DST: variants seen among roughly 807,000 people sequenced by gnomAD.
DST encodes bullous pemphigoid antigen.
DST carries 253 observed loss-of-function variants against 875.2 expected under a neutral mutation model. The observed-to-expected ratio is 0.29, with a 90% CI of 0.26 to 0.32. The LOEUF is 0.32. DST is among the 10% of genes least tolerant of loss of function. The pLI is 1.00. For synonymous variants in DST, 3,124 were observed against 3,197.1 expected (o/e 0.98, Z 0.77); for missense variants, 8,287 against 9,111.6 (o/e 0.91, Z 3.68).
At chr6:56,656,426 G>T (rs889105813) in intron 10 of DST, among the ~76,000 whole-genome samples, 12 of 152,156 alleles carry the variant, frequency 7.9e-5, no homozygotes, top group African/African-American at 2.7e-4. Context: ...ACCTTATAAA[G>T]TAATAACAAT....
At chr6:56,692,667 A>G (rs1204696117) in intron 9 of DST, 3 of 1,289,798 alleles carry the variant, frequency 2.3e-6, no homozygotes, top group Non-Finnish European at 3.0e-6. Flanking sequence ...TGTTGACATC[A>G]TCTAAATGTT....
Position 56,607,203 on chromosome 6 carries a change from G to C in DST, c.7425C>G (p.Thr2475=). 1.9e-6 allele frequency: 3 copies of C among 1,613,346 alleles called. No homozygotes were observed. Among genetic ancestry groups the C allele is most frequent in the Non-Finnish European group, 2.5e-6 (3 of 1,179,522 alleles). ...EAPALSFSDK[T]MLSGQRIGEK... The stretch of plus-strand genomic sequence containing the variant: ...CTCCTATTCTTTGACCTGACAACAT[G>C]GTTTTGTCACTGAATGATAAGGCTG... Residue 2475 remains threonine, a synonymous_variant, in exon 40 of 104, where the codon ACC becomes ACG. Transcript: ENST00000680361.
rs780051172 is a variant in DST at position 56,617,048 on chromosome 6, G to A, written c.4930-2564C>T. ...TTTTGTAGATTCTAGGTAAAGCCCT[G>A]CAATTGAGGTGGCTTTCGTCAGAAA... On this transcript the variant is annotated intron_variant, in intron 36 of 103. Transcript: ENST00000680361. The A allele has an allele frequency of 4.3e-6, 7 of 1,613,906 alleles. No homozygotes were observed. In the African/African-American group the frequency reaches 6.7e-5, roughly 15 times the overall value.
intron 55 of DST, among the ~76,000 whole-genome samples, chr6:56,564,357 T>C (rs1450710366): frequency 6.6e-6 from 1 of 152,240 alleles, no homozygotes; most frequent in Non-Finnish European, 1.5e-5. Context: ...GGGAGTTCAC[T>C]CATGGTTTGG....
chr6:56,644,282 G>A (rs1430732605), intron 15 of DST, among the ~76,000 whole-genome samples: 1 of 152,076 alleles, frequency 6.6e-6, no homozygotes, highest in Non-Finnish European at 1.5e-5. Context: ...GCTTGTTTTG[G>A]TTTTAATAAT....
In DST at chr6:56,779,808, C is replaced by T. The variant is rs529517802; in HGVS notation, c.626-44519G>A. Among the ~76,000 whole-genome samples the T allele has an allele frequency of 2.3e-3, 339 of 150,250 alleles. 2 individuals carry two copies. Among genetic ancestry groups the T allele is most frequent in the Middle Eastern group, 6.9e-3 (2 of 290 alleles). ...GTTACATATGTATACATGTGCCATG[C>T]TGGTGTGCTGCACCCATTAACTCGT... On this transcript the variant is annotated intron_variant, in intron 4 of 103. Transcript: ENST00000680361.
intron 3 of DST, among the ~76,000 whole-genome samples, chr6:56,877,463 G>A (rs1780074636): frequency 6.6e-6 from 1 of 152,210 alleles, no homozygotes; most frequent in South Asian, 2.1e-4. Flanking sequence ...GGCAGAGGCA[G>A]GAGAATCACT....
intron 3 of DST, among the ~76,000 whole-genome samples, chr6:56,878,363 A>G (rs1244246449): frequency 6.6e-6 from 1 of 152,182 alleles, no homozygotes; most frequent in African/African-American, 2.4e-5. Context: ...ACTCTCACCA[A>G]AAGACTCTAA....
At position 56,900,415 on chromosome 6, in the gene DST, A is replaced by G. The variant is rs1793540408; in HGVS notation, c.417+6T>C. 1 of 1,366,218 alleles carries G rather than the reference A, an allele frequency of 7.3e-7. No individual in the cohort carries two copies. The highest frequency in any genetic ancestry group is 1.5e-5 in the African/African-American group (1 of 67,652). The allele number at this position is 1,366,218 out of a possible 1,614,324, so 84.6% of individuals were successfully genotyped here. A position where few individuals can be genotyped will look rare whatever the true frequency, so the allele number is the denominator to read the frequency against. On this transcript the variant is annotated splice_donor_region_variant and intron_variant, in intron 3 of 103. Transcript: ENST00000680361. ...ATATTTTTATAAAAGACAGTTCTCT[A>G]CTTACAGGCCTCCTGATTGAAGCAC... is the stretch of plus-strand genomic sequence containing the variant.
At position 56,608,215 on chromosome 6, in the gene DST, A is replaced by T. The variant is rs980428529; in HGVS notation, c.6413T>A (p.Leu2138Ter). Residue 2138 changes from leucine to a stop codon, truncating the protein, a stop_gained, in exon 40 of 104, where the codon TTA (leucine) becomes TAA (stop). Coordinates refer to ENST00000680361, the MANE Select transcript of DST (RefSeq NM_001374736.1). LOFTEE classifies it high-confidence loss of function. ...TTTATCAGGCAGTGTTATATTTTTT[A>T]AAATTGATGCTGTGTTGTTGTCTAT... Reference protein sequence around the residue: ...GIIDNNTASILKNITLPDKMP... With the variant: ...GIIDNNTASI 22 of 1,613,662 alleles carry T rather than the reference A, an allele frequency of 1.4e-5. No homozygotes were observed. The highest frequency in any genetic ancestry group is 1.8e-5 in the Non-Finnish European group (21 of 1,179,742).
chr6:56,463,062 G>C lies in DST; in HGVS notation c.23054C>G (p.Pro7685Arg). Residue 7685 changes from proline (P) to arginine (R), a missense_variant, in exon 102 of 104, where the codon CCC (proline) becomes CGC (arginine). Physicochemically the swap from Pro to Arg is moderately radical, Grantham distance 103. Around this residue, in one of 10 missense-constraint regions of DST, gnomAD observed 240 missense variants for 237.3 expected, o/e 1.01. Transcript: ENST00000680361. ...TTACAATACCTCTGCAGATGGCACG[G>C]GAAAGTCTGAGCACTCTGCTGCTTT... The part of the protein sequence containing the change: ...PCKAAECSDF[P>R]VPSAEGTPIQ... The C allele has an allele frequency of 6.2e-7, 1 of 1,611,240 alleles. No homozygotes were observed. Among genetic ancestry groups the C allele is most frequent in the South Asian group, 1.1e-5 (1 of 90,704 alleles).
chr6:56,835,799 T>TATA (rs2099792933), intron 4 of DST, among the ~76,000 whole-genome samples: 1 of 152,204 alleles, frequency 6.6e-6, no homozygotes, highest in Non-Finnish European at 1.5e-5. Flanking sequence ...AGTATGTTTG[T>TATA]ATAATATCTT....
chr6:56,916,227 T>C (rs767488667), intron 2 of DST, among the ~76,000 whole-genome samples: 36 of 152,206 alleles, frequency 2.4e-4, no homozygotes, highest in Non-Finnish European at 4.4e-4. Context: ...CACTAGGTGA[T>C]TAGTTCAAGC....
intron 12 of DST, among the ~76,000 whole-genome samples, chr6:56,650,335 A>AAAAAAAAAAAAAAAAAAAAAAAAAC: frequency 6.6e-6 from 1 of 150,920 alleles, no homozygotes; most frequent in African/African-American, 2.4e-5. Flanking sequence ...CAAAAAAAAA[A>AAAAAAAAAAAAAAAAAAAAAAAAAC]AAAAAAAAAA....
chr6:56,953,874 CGAG>C lies in DST; in HGVS notation c.182-58_182-56del. 1.1e-5 allele frequency: 14 copies of C among 1,253,210 alleles called. No homozygotes were observed. In the South Asian group the frequency reaches 1.6e-4, roughly 15 times the overall value. 77.6% of individuals were successfully genotyped at this position (1,253,210 alleles called of 1,614,324 possible). A position where few individuals can be genotyped will look rare whatever the true frequency, so the allele number is the denominator to read the frequency against. On this transcript the variant is annotated intron_variant, in intron 1 of 103. Coordinates refer to ENST00000680361, the MANE Select transcript of DST (RefSeq NM_001374736.1). ...ATTTAACTCCTTGTTCTTCACCTAC[CGAG>C]TGACTCATGACTTACCTGGGAGACC...
At chr6:56,611,421 A>G in intron 38 of DST, 87 bp downstream of exon 38, 1 of 827,910 alleles carries the variant, frequency 1.2e-6, no homozygotes, top group Non-Finnish European at 2.0e-6. Flanking sequence ...TTAACATTGC[A>G]ATTAAAATTT....
chr6:56,668,081 TAAAAAACTTCA>T (rs1430657749), intron 10 of DST, among the ~76,000 whole-genome samples: 2 of 152,164 alleles, frequency 1.3e-5, no homozygotes, highest in Admixed American at 6.5e-5. Context: ...TGCTTCTGCC[TAAAAAACTTCA>T]AAGGAGAGAG....
Position 56,632,925 on chromosome 6 carries a change from A to G in DST, c.3734T>C (p.Ile1245Thr), listed in dbSNP as rs2098793708. ...ATTAACCTCCTTTTCCAGTTGTGTTATATCTGAGCCTGAAAAGACTTGGGA... is the reference window on the plus strand; with the variant it reads ...ATTAACCTCCTTTTCCAGTTGTGTTGTATCTGAGCCTGAAAAGACTTGGGA... ...QESQVFSGSD[I>T]TQLEKEVNVC... The change falls in exon 28 of 104, where the codon ATA (isoleucine) becomes ACA (threonine). Residue 1245 changes from isoleucine (I) to threonine (T), a missense_variant. By Grantham distance (89) the Ile-to-Thr change is moderately conservative. Around this residue, in one of 10 missense-constraint regions of DST, gnomAD observed 3,138 missense variants for 3,116.6 expected, o/e 1.01. Coordinates refer to ENST00000680361, the MANE Select transcript of DST (RefSeq NM_001374736.1). 1.9e-6 allele frequency: 3 copies of G among 1,613,954 alleles called. No homozygotes were observed. Among genetic ancestry groups the G allele is most frequent in the Non-Finnish European group, 2.5e-6 (3 of 1,179,914 alleles).
chr6:56,600,271 T>G, intron 44 of DST, 50 bp from the exon 45 acceptor site: 1 of 1,554,916 alleles, frequency 6.4e-7, no homozygotes, highest in Non-Finnish European at 8.8e-7. Context: ...GGTCACAAAA[T>G]CGCTATTGTG....
Sources: gnomAD v4.1 joint callset for allele counts (sites outside exome capture counted in the v4.1 genomes callset) on GRCh38, gnomAD v4.1.1 for gene constraint, gnomAD v4.1.1 regional missense constraint, MANE v1.5 for transcripts, NCBI Gene and HGNC (gene_info 2026-07-23, HGNC 2026-07-21) for gene names.